Variants in SAXO3 observed in about 807,000 individuals in gnomAD.
The protein encoded by SAXO3 is CTB-60B18.10.
At chr19:49,018,290 A>G in the SAXO3 span, 3 of 1,165,356 alleles carry the variant, frequency 2.6e-6, no homozygotes, top group African/African-American at 4.8e-5. Flanking sequence ...CGTCTCTTCG[A>G]AGCTCCAGTA....
the SAXO3 span, chr19:49,019,243 C>T: frequency 6.0e-6 from 8 of 1,336,280 alleles, no homozygotes; most frequent in South Asian, 5.9e-5. Flanking sequence ...TTCTGCTGTT[C>T]AAGGAACTCA....
chr19:49,019,978 G>A, the SAXO3 span: 8 of 1,509,708 alleles, frequency 5.3e-6, no homozygotes, highest in African/African-American at 7.0e-5. Flanking sequence ...TGGGCTGGGC[G>A]CAGGGCCCGC....
chr19:49,018,775 C>T, the SAXO3 span: 3 of 1,066,286 alleles, frequency 2.8e-6, no homozygotes, highest in Non-Finnish European at 4.1e-6. Flanking sequence ...AGGCTGAGAC[C>T]ACCGGCTCAG....
chr19:49,018,756 C>T, the SAXO3 span: 205 of 883,712 alleles, frequency 2.3e-4, 2 homozygotes, highest in South Asian at 3.1e-3. Flanking sequence ...CTTGCTGCTA[C>T]AGAAGTCGAG....
At chr19:49,019,825 C>T in the SAXO3 span, 1 of 1,267,604 alleles carries the variant, frequency 7.9e-7, no homozygotes, top group Non-Finnish European at 1.0e-6. Context: ...AAAGGCGACC[C>T]AGAGACTCAC....
chr19:49,019,410 C>T, the SAXO3 span: 1 of 1,258,828 alleles, frequency 7.9e-7, no homozygotes, highest in Non-Finnish European at 1.0e-6. Context: ...TTCTAGTCTC[C>T]TCCCCACCCA....
the SAXO3 span, chr19:49,018,370 AC>A: frequency 8.3e-7 from 1 of 1,200,988 alleles, no homozygotes; most frequent in Non-Finnish European, 1.0e-6. Flanking sequence ...TGGTGAGGAT[AC>A]AGCTGGATCC....
the SAXO3 span, chr19:49,019,790 G>A: frequency 8.2e-7 from 1 of 1,223,138 alleles, no homozygotes; most frequent in Non-Finnish European, 1.1e-6. Flanking sequence ...AGTGGGAGGC[G>A]CCAGCCGCGG....
chr19:49,019,487 C>A, the SAXO3 span: 3 of 1,204,592 alleles, frequency 2.5e-6, no homozygotes, highest in Non-Finnish European at 3.1e-6. Flanking sequence ...CCTGGTCCTT[C>A]TGGCCTGGCC....
chr19:49,019,829 G>A, the SAXO3 span: 1 of 1,268,476 alleles, frequency 7.9e-7, no homozygotes, highest in Admixed American at 3.0e-5. Context: ...GCGACCCAGA[G>A]ACTCACGTGA....
chr19:49,019,864 C>G, the SAXO3 span: 2 of 1,330,346 alleles, frequency 1.5e-6, no homozygotes, highest in South Asian at 2.8e-5. Context: ...CAAATGCAGT[C>G]CCCCGCCCTG....
chr19:49,019,800 G>T, the SAXO3 span: 1 of 1,235,976 alleles, frequency 8.1e-7, no homozygotes, highest in South Asian at 1.6e-5. Flanking sequence ...GCCAGCCGCG[G>T]TGTCTGAGCT....
chr19:49,018,274 C>T, the SAXO3 span: 7 of 1,080,132 alleles, frequency 6.5e-6, no homozygotes, highest in Admixed American at 2.6e-4. Flanking sequence ...GGCTCCAGAC[C>T]TGGGGCGTCT....
the SAXO3 span, chr19:49,020,206 T>G: frequency 4.1e-6 from 2 of 491,244 alleles, no homozygotes; most frequent in Non-Finnish European, 7.0e-6. Context: ...CCCCAGCCCT[T>G]TCCTCTGCAG....
At chr19:49,018,292 G>C in the SAXO3 span, 8 of 1,171,922 alleles carry the variant, frequency 6.8e-6, no homozygotes, top group Non-Finnish European at 8.6e-6. Flanking sequence ...TCTCTTCGAA[G>C]CTCCAGTAGG....
chr19:49,018,491 G>A, the SAXO3 span, among the ~76,000 whole-genome samples: 2 of 152,116 alleles, frequency 1.3e-5, no homozygotes, highest in Non-Finnish European at 2.9e-5. Context: ...CGTTGCCTGC[G>A]TTCCTGGGTC....
the SAXO3 span, chr19:49,018,155 G>T: frequency 5.0e-6 from 2 of 403,072 alleles, no homozygotes. Flanking sequence ...CAGAGACAGG[G>T]CTCCCCGGTG....
the SAXO3 span, among the ~76,000 whole-genome samples, chr19:49,018,717 AG>A: frequency 6.6e-6 from 1 of 150,700 alleles, no homozygotes; most frequent in Non-Finnish European, 1.5e-5. Flanking sequence ...TAAAAAAAAA[AG>A]GGAGGGGCTG....
At chr19:49,020,480 G>A in the SAXO3 span, 1 of 398,910 alleles carries the variant, frequency 2.5e-6, no homozygotes, top group East Asian at 3.6e-5. Context: ...CGGTTGCAGA[G>A]ATACGACAGC....
Sources: gnomAD v4.1 joint callset for allele counts (sites outside exome capture counted in the v4.1 genomes callset) on GRCh38, gnomAD v4.1.1 for gene constraint, MANE v1.5 for transcripts, NCBI Gene and HGNC (gene_info 2026-07-23, HGNC 2026-07-21) for gene names.